Variants in ASIC2 observed in about 807,000 individuals in gnomAD.
The protein encoded by ASIC2 is acid-sensing ion channel 2.
ASIC2 carries 25 observed loss-of-function variants against 57.3 expected under a neutral mutation model. That is an observed-to-expected ratio of 0.44 (90% confidence interval 0.32 to 0.61). The LOEUF (loss-of-function observed/expected upper bound fraction) is 0.61, where lower values mean the gene tolerates loss of function less well. Among genes scored for constraint, ASIC2 ranks in the 20% least tolerant of loss-of-function variants. The pLI, the probability that ASIC2 is intolerant of heterozygous loss-of-function variation, is 0.06. For synonymous variants in ASIC2, 319 were observed against 307.5 expected (o/e 1.04, Z -0.39); for missense variants, 641 against 738.1 (o/e 0.87, Z 1.52).
chr17:34,019,622 TG>T (rs747491738), intron 1 of ASIC2, among the ~76,000 whole-genome samples: 1 of 152,224 alleles, frequency 6.6e-6, no homozygotes, highest in Non-Finnish European at 1.5e-5. Flanking sequence ...GTATAAACAT[TG>T]TTTTATTTAG....
chr17:33,188,597 A>G lies in ASIC2; in HGVS notation c.709-76530T>C, dbSNP rs188297417. Reference sequence around the variant, plus strand: ...AAGACACATTATATGCAGAGGAACAAAGATAAAAATGAAAGCAGACGTCTC... The same window carrying G: ...AAGACACATTATATGCAGAGGAACAGAGATAAAAATGAAAGCAGACGTCTC... On this transcript the variant is annotated intron_variant, in intron 1 of 9. Transcript: ENST00000225823. 2.6e-3 allele frequency among the ~76,000 whole-genome samples: 396 copies of G among 152,302 alleles called. 1 individual carries two copies. Among genetic ancestry groups the G allele is most frequent in the South Asian group, 0.024 (117 of 4,828 alleles).
chr17:34,144,417 G>C (rs1032725167), intron 1 of ASIC2, among the ~76,000 whole-genome samples: 1 of 152,180 alleles, frequency 6.6e-6, no homozygotes, highest in African/African-American at 2.4e-5. Context: ...ACTTTCTGGG[G>C]ACTTCCTGAT....
chr17:33,618,383 A>T (rs1027659536), intron 1 of ASIC2, among the ~76,000 whole-genome samples: 2 of 152,030 alleles, frequency 1.3e-5, no homozygotes, highest in Admixed American at 6.6e-5. Context: ...CCAACTCTGA[A>T]GCCTCCTTGA....
At chr17:33,222,718 T>C (rs993968084) in intron 1 of ASIC2, among the ~76,000 whole-genome samples, 5 of 152,188 alleles carry the variant, frequency 3.3e-5, no homozygotes, top group African/African-American at 4.8e-5. Context: ...GTTTGTAGCA[T>C]GGGGATTTGT....
rs77267125 is a variant in ASIC2, at chr17:33,707,082, T to A, written c.555+448896A>T. 2.2e-3 allele frequency among the ~76,000 whole-genome samples: 334 copies of A among 152,354 alleles called. 3 individuals are homozygous for A. The highest frequency in any genetic ancestry group is 7.9e-3 in the African/African-American group (327 of 41,586). On this transcript the variant is annotated intron_variant, in intron 1 of 9. Transcript: ENST00000359872. ...TTACCTCAGAGTTTTGAAGACATTT[T>A]CTTACTGTCTCCTAGCTTCTGATAG... is the stretch of plus-strand genomic sequence containing the variant.
intron 1 of ASIC2, among the ~76,000 whole-genome samples, chr17:33,711,834 A>G (rs35866194): frequency 0.022 from 3,306 of 152,282 alleles, 122 homozygotes; most frequent in African/African-American, 0.075. Context: ...ACAATTCAAC[A>G]TGAGATTTGG....
At chr17:33,563,896 C>G (rs934728382) in intron 1 of ASIC2, among the ~76,000 whole-genome samples, 2 of 152,186 alleles carry the variant, frequency 1.3e-5, no homozygotes, top group Non-Finnish European at 2.9e-5. Flanking sequence ...GGCTTCCTTT[C>G]ACTATTGCCA....
chr17:33,387,137 C>T (rs1025383102), intron 1 of ASIC2, among the ~76,000 whole-genome samples: 3 of 152,174 alleles, frequency 2.0e-5, no homozygotes, highest in Non-Finnish European at 4.4e-5. Context: ...ATCCATCTGC[C>T]TCAGCCTCCC....
intron 1 of ASIC2, among the ~76,000 whole-genome samples, chr17:34,121,111 T>A (rs12936908): frequency 1.3e-5 from 2 of 151,926 alleles, no homozygotes; most frequent in Non-Finnish European, 2.9e-5. Context: ...GAGGCAGAGA[T>A]TGGAGCGAGG....
At chr17:33,373,499 G>A (rs895969628) in intron 1 of ASIC2, among the ~76,000 whole-genome samples, 1 of 152,212 alleles carries the variant, frequency 6.6e-6, no homozygotes, top group Non-Finnish European at 1.5e-5. Context: ...CTGCCTTTGT[G>A]AAAACTAATG....
intron 1 of ASIC2, among the ~76,000 whole-genome samples, chr17:33,742,076 TC>T (rs1489328384): frequency 6.6e-6 from 1 of 152,192 alleles, no homozygotes; most frequent in Non-Finnish European, 1.5e-5. Context: ...CTGCATATAG[TC>T]CTTGCTTGAG....
chr17:33,058,570 A>G (rs541360172), intron 3 of ASIC2, among the ~76,000 whole-genome samples: 15 of 152,108 alleles, frequency 9.9e-5, no homozygotes, highest in African/African-American at 2.9e-4. Flanking sequence ...CTCAGCTCAT[A>G]ATACAATTCT....
intron 1 of ASIC2, among the ~76,000 whole-genome samples, chr17:33,812,788 C>T (rs1391154630): frequency 1.3e-5 from 2 of 152,130 alleles, no homozygotes; most frequent in Non-Finnish European, 2.9e-5. Flanking sequence ...GGACAGATTC[C>T]ATTTCCTTAG....
chr17:33,420,779 G>A (rs1292349398), intron 1 of ASIC2, among the ~76,000 whole-genome samples: 1 of 152,144 alleles, frequency 6.6e-6, no homozygotes, highest in African/African-American at 2.4e-5. Context: ...TGGGAGTTGG[G>A]ACGGGATGTG....
intron 1 of ASIC2, among the ~76,000 whole-genome samples, chr17:33,881,582 C>G (rs1214626379): frequency 6.6e-6 from 1 of 152,074 alleles, no homozygotes; most frequent in East Asian, 1.9e-4. Context: ...TCAAGGAGAA[C>G]TACAAACCAC....
intron 1 of ASIC2, among the ~76,000 whole-genome samples, chr17:33,771,435 A>G (rs1911106877): frequency 6.6e-6 from 1 of 152,164 alleles, no homozygotes. Context: ...CTCTACATCT[A>G]CATAACATGT....
chr17:33,233,865 C>G (rs559994732), intron 1 of ASIC2, among the ~76,000 whole-genome samples: 1 of 152,202 alleles, frequency 6.6e-6, no homozygotes, highest in Non-Finnish European at 1.5e-5. Context: ...GAGAAACCTC[C>G]GGTGCACACG....
intron 3 of ASIC2, among the ~76,000 whole-genome samples, chr17:33,080,686 G>A (rs1156650008): frequency 6.6e-6 from 1 of 152,124 alleles, no homozygotes; most frequent in Admixed American, 6.6e-5. Flanking sequence ...GCTCCTTGGG[G>A]CCATGATTAA....
intron 1 of ASIC2, among the ~76,000 whole-genome samples, chr17:33,404,621 A>G (rs577784085): frequency 6.6e-6 from 1 of 152,330 alleles, no homozygotes; most frequent in Admixed American, 6.5e-5. Flanking sequence ...CTCCTGTCAA[A>G]TGCATGTTGA....
Sources: gnomAD v4.1 joint callset for allele counts (sites outside exome capture counted in the v4.1 genomes callset) on GRCh38, gnomAD v4.1.1 for gene constraint, MANE v1.5 for transcripts, NCBI Gene and HGNC (gene_info 2026-07-23, HGNC 2026-07-21) for gene names.